Variants in FCHO2 observed in about 807,000 individuals in gnomAD.
The protein encoded by FCHO2 is F-BAR domain only protein 2.
A neutral mutation model predicts 114.1 loss-of-function variants in FCHO2; 43 were observed. The observed-to-expected ratio is 0.38, with a 90% CI of 0.30 to 0.49. The LOEUF is 0.49. Ranked by LOEUF, FCHO2 falls within the 20% of genes least tolerant of loss-of-function variation. FCHO2 has a pLI of 0.97. For missense variants in FCHO2, 807 were observed against 950.4 expected (o/e 0.85, Z 1.98); for synonymous variants, 293 against 315.2 (o/e 0.93, Z 0.75).
intron 2 of FCHO2, among the ~76,000 whole-genome samples, chr5:72,980,881 T>A (rs1753170199): frequency 6.6e-6 from 1 of 152,126 alleles, no homozygotes; most frequent in Non-Finnish European, 1.5e-5. Context: ...CACCAGTGAG[T>A]CTTGACTCTT....
At chr5:72,985,790 T>A (rs1381130896) in intron 2 of FCHO2, among the ~76,000 whole-genome samples, 1 of 152,218 alleles carries the variant, frequency 6.6e-6, no homozygotes, top group Non-Finnish European at 1.5e-5. Context: ...TTGTTCTTTC[T>A]CTTTTTAATT....
chr5:73,028,353 T>G (rs923354763), intron 8 of FCHO2, among the ~76,000 whole-genome samples: 3 of 152,150 alleles, frequency 2.0e-5, no homozygotes, highest in Non-Finnish European at 4.4e-5. Flanking sequence ...TACCATATGA[T>G]CCAGTTGTTC....
At chr5:72,959,842 C>T (rs1049982412) in intron 1 of FCHO2, among the ~76,000 whole-genome samples, 1 of 151,610 alleles carries the variant, frequency 6.6e-6, no homozygotes, top group African/African-American at 2.4e-5. Flanking sequence ...CGCAGTGGCA[C>T]GAGCATGGCT....
chr5:73,031,976 C>CA (rs934332845), intron 8 of FCHO2, among the ~76,000 whole-genome samples: 14 of 151,976 alleles, frequency 9.2e-5, no homozygotes, highest in East Asian at 3.9e-4. Flanking sequence ...TTAGTACTGT[C>CA]AAAAAAAATA....
At chr5:72,999,532 G>C (rs139946137) in intron 5 of FCHO2, among the ~76,000 whole-genome samples, 181 of 151,970 alleles carry the variant, frequency 1.2e-3, no homozygotes, top group African/African-American at 4.3e-3. Context: ...ACAGGCATGC[G>C]TCACCACGCC....
intron 8 of FCHO2, among the ~76,000 whole-genome samples, chr5:73,032,630 C>A (rs938450988): frequency 2.6e-5 from 4 of 151,986 alleles, no homozygotes; most frequent in Admixed American, 2.0e-4. Context: ...ATGTAAAAGT[C>A]CTTCTAGATA....
intron 11 of FCHO2, among the ~76,000 whole-genome samples, chr5:73,041,583 C>T (rs1756806062): frequency 6.6e-6 from 1 of 151,750 alleles, no homozygotes; most frequent in Non-Finnish European, 1.5e-5. Context: ...CTGTTTTTTT[C>T]TTGGGAAACA....
At chr5:73,065,843 T>C (rs1412611325) in intron 18 of FCHO2, among the ~76,000 whole-genome samples, 1 of 151,884 alleles carries the variant, frequency 6.6e-6, no homozygotes, top group East Asian at 1.9e-4. Context: ...ATTAACTGAG[T>C]AGTGAATATT....
Position 73,037,186 on chromosome 5 carries a change from C to A in FCHO2, c.885C>A (p.Ile295=). ...RKRKTFALPG[I]IKKEKDAESV... ...GAAAGACCTTTGCTTTGCCAGGAAT[C>A]ATTAAAAAGGAAAAAGATGCAGAAT... Residue 295 remains isoleucine, a synonymous_variant, in exon 10 of 26, where the codon ATC becomes ATA. Transcript: ENST00000430046. 6.3e-7 allele frequency: 1 copy of A among 1,597,194 alleles called. No individual in the cohort carries two copies. Among genetic ancestry groups the A allele is most frequent in the South Asian group, 1.1e-5 (1 of 87,410 alleles).
chr5:73,086,395 T>A (rs904537721), intron 24 of FCHO2, among the ~76,000 whole-genome samples: 82 of 152,300 alleles, frequency 5.4e-4, no homozygotes, highest in African/African-American at 1.9e-3. Flanking sequence ...TGTTGTGACA[T>A]CCTATTCTCC....
chr5:73,057,462 A>T (rs1295520341), intron 16 of FCHO2, among the ~76,000 whole-genome samples: 3 of 152,056 alleles, frequency 2.0e-5, no homozygotes, highest in Non-Finnish European at 4.4e-5. Flanking sequence ...GAGATGCTGG[A>T]TATGTACTCT....
intron 9 of FCHO2, 67 bp downstream of exon 9, chr5:73,034,768 A>AG: frequency 7.8e-7 from 1 of 1,281,526 alleles, no homozygotes; most frequent in Non-Finnish European, 1.1e-6. Context: ...TTCATTGAAC[A>AG]AATAAGGAGG....
chr5:72,988,806 A>G (rs999866696), intron 2 of FCHO2, among the ~76,000 whole-genome samples: 3 of 152,248 alleles, frequency 2.0e-5, no homozygotes, highest in Admixed American at 6.5e-5. Context: ...CACACTTATC[A>G]CAGTGAACCA....
chr5:72,970,182 T>C lies in FCHO2; in HGVS notation c.125+1593T>C, dbSNP rs147443801. On this transcript the variant is annotated intron_variant, in intron 2 of 25. Transcript: ENST00000430046. ...CAAGGGCTTCCCATTGCTCTTAAGA[T>C]AGGCCTGCATATTCTGACCCTAAAA... 2.8e-3 allele frequency among the ~76,000 whole-genome samples: 426 copies of C among 152,354 alleles called. 2 individuals are homozygous for C. Among genetic ancestry groups the C allele is most frequent in the Non-Finnish European group, 5.0e-3 (338 of 68,032 alleles).
intron 5 of FCHO2, chr5:72,997,624 TC>T (rs878865270): frequency 2.1e-5 from 30 of 1,440,472 alleles, no homozygotes; most frequent in Middle Eastern, 1.9e-4. Context: ...GCCGCAACCT[TC>T]ACCAGTATAG....
intron 6 of FCHO2, among the ~76,000 whole-genome samples, chr5:73,007,274 T>C (rs1754768172): frequency 6.6e-6 from 1 of 152,210 alleles, no homozygotes; most frequent in African/African-American, 2.4e-5. Context: ...TGGCTGCAGC[T>C]GTTTTACATC....
chr5:73,034,520 A>G (rs1386525476), intron 8 of FCHO2, 137 bp from the exon 9 acceptor site: 2 of 610,662 alleles, frequency 3.3e-6, no homozygotes, highest in Non-Finnish European at 2.8e-6. Flanking sequence ...GGTAACAACT[A>G]GAACCATTTC....
At chr5:72,989,615 A>G (rs1753718297) in intron 3 of FCHO2, 114 bp downstream of exon 3, 2 of 665,814 alleles carry the variant, frequency 3.0e-6, no homozygotes, top group Non-Finnish European at 2.5e-6. Context: ...ATGCTTATTT[A>G]AAAGTATCTG....
chr5:72,968,551 G>A lies in FCHO2; in HGVS notation c.87G>A (p.Gln29=), dbSNP rs1270425831. The A allele has an allele frequency of 1.3e-6, 2 of 1,544,196 alleles. No individual in the cohort carries two copies. Among genetic ancestry groups the A allele is most frequent in the Non-Finnish European group, 1.7e-6 (2 of 1,153,730 alleles). ...DVLYHNMKHG[Q]ISTKELADFV... ...TCTACCATAATATGAAACATGGACA[G>A]ATATCAACAAAAGAACTAGCAGATT... is the stretch of plus-strand genomic sequence containing the variant. The change falls in exon 2 of 26, where the codon CAG becomes CAA. Residue 29 remains glutamine (Q), a synonymous_variant. Transcript: ENST00000430046.
Sources: gnomAD v4.1 joint callset for allele counts (sites outside exome capture counted in the v4.1 genomes callset) on GRCh38, gnomAD v4.1.1 for gene constraint, MANE v1.5 for transcripts, NCBI Gene and HGNC (gene_info 2026-07-23, HGNC 2026-07-21) for gene names.